Variants in TPRG1 observed in about 807,000 individuals in gnomAD.
TPRG1 encodes the protein tumor protein p63-regulated gene 1 protein.
Under a neutral mutation model 29.3 loss-of-function variants are expected in TPRG1, and 29 were observed. The ratio of observed to expected loss-of-function variants is 0.99; its 90% CI spans 0.74 to 1.35. TPRG1 has a LOEUF of 1.35. Among genes scored for constraint, TPRG1 ranks in the 40% most tolerant of loss-of-function variants. The pLI, the probability that TPRG1 is intolerant of heterozygous loss-of-function variation, is 0.00. For missense variants in TPRG1, 327 were observed against 335.0 expected, an observed-to-expected ratio of 0.98 and a Z score of 0.19; for synonymous variants, 130 against 116.8, an observed-to-expected ratio of 1.11 and a Z score of -0.73.
Position 189,061,494 on chromosome 3 carries a change from GT to G in TPRG1, c.-463+37549del, listed in dbSNP as rs1716099115. On this transcript the variant is annotated intron_variant, in intron 4 of 10. Coordinates refer to the TPRG1 transcript ENST00000433971. ...CACAGCAAAAGAAGCTATTAACAGA[GT>G]AAACAGACAATGTACAGAATGTGAG... is the stretch of plus-strand genomic sequence containing the variant. 2.6e-5 allele frequency among the ~76,000 whole-genome samples: 4 copies of G among 152,266 alleles called. No homozygotes were observed. In the South Asian group the frequency reaches 8.3e-4, roughly 32 times the overall value.
At position 189,018,222 on chromosome 3, in the gene TPRG1, C is replaced by T. The variant is rs1401738463; in HGVS notation, c.-659-5528C>T. ...GGTAGTTTCTTTTGCTGTGCAGAAG[C>T]TCTTTAGTTTAATTAGATCCCATTT... On this transcript the variant is annotated intron_variant, in intron 3 of 10. Transcript: ENST00000433971. Among the ~76,000 whole-genome samples, 282 of 146,628 alleles carry T rather than the reference C, an allele frequency of 1.9e-3. 1 individual carries two copies. The highest frequency in any genetic ancestry group is 3.6e-3 in the Middle Eastern group (1 of 278).
At chr3:189,319,226 TTA>T (rs1368768444) in intron 5 of TPRG1, among the ~76,000 whole-genome samples, 1 of 152,176 alleles carries the variant, frequency 6.6e-6, no homozygotes, top group Non-Finnish European at 1.5e-5. Context: ...TATGAAAAAT[TTA>T]TAGACATGGA....
chr3:189,241,460 C>G (rs1011604501), intron 4 of TPRG1, among the ~76,000 whole-genome samples: 6 of 150,248 alleles, frequency 4.0e-5, no homozygotes, highest in Non-Finnish European at 7.4e-5. Context: ...TAATTTTTTT[C>G]TTATTGATTT....
intron 4 of TPRG1, among the ~76,000 whole-genome samples, chr3:189,302,709 C>T (rs113554029): frequency 2.1e-4 from 32 of 152,294 alleles, no homozygotes; most frequent in African/African-American, 7.7e-4. Context: ...TATTTATTGT[C>T]AACTTCATTG....
At chr3:189,051,498 A>T (rs568945635) in intron 4 of TPRG1, among the ~76,000 whole-genome samples, 2 of 152,212 alleles carry the variant, frequency 1.3e-5, no homozygotes, top group African/African-American at 4.8e-5. Context: ...TAGAATCAAT[A>T]TTGTGAAAAT....
At chr3:189,086,619 C>T (rs1335590174) in intron 4 of TPRG1, among the ~76,000 whole-genome samples, 6 of 151,434 alleles carry the variant, frequency 4.0e-5, no homozygotes, top group Admixed American at 3.3e-4. Context: ...CCTCCGCCTC[C>T]CGGATTCAAG....
chr3:189,022,905 C>T (rs1017690484), intron 3 of TPRG1, among the ~76,000 whole-genome samples: 18 of 152,242 alleles, frequency 1.2e-4, no homozygotes, highest in African/African-American at 4.1e-4. Flanking sequence ...ACCCTCCGAG[C>T]CAGGTGCCGG....
At chr3:189,201,723 C>T (rs1383041873) in intron 1 of TPRG1, among the ~76,000 whole-genome samples, 4 of 151,926 alleles carry the variant, frequency 2.6e-5, no homozygotes, top group Middle Eastern at 6.3e-3. Flanking sequence ...GATCTCAGCT[C>T]ACTGCAACCT....
chr3:189,272,752 GTTCCTTCC>G (rs1179275065), intron 4 of TPRG1, among the ~76,000 whole-genome samples: 64 of 44,892 alleles, frequency 1.4e-3, no homozygotes, highest in African/African-American at 4.6e-3. Context: ...TCCTTCCTTC[GTTCCTTCC>G]TTCCTTCCTT....
chr3:189,000,107 A>T (rs1283992894), intron 1 of TPRG1, among the ~76,000 whole-genome samples: 1 of 152,170 alleles, frequency 6.6e-6, no homozygotes. Context: ...AGTTGACTTT[A>T]AAAATTATGG....
intron 1 of TPRG1, among the ~76,000 whole-genome samples, chr3:189,191,844 A>G (rs972107584): frequency 2.0e-5 from 3 of 152,140 alleles, no homozygotes; most frequent in African/African-American, 4.8e-5. Flanking sequence ...CTTTATACCT[A>G]GATCCTCTTT....
intron 4 of TPRG1, among the ~76,000 whole-genome samples, chr3:189,242,193 T>C (rs568419415): frequency 5.9e-5 from 9 of 152,268 alleles, no homozygotes; most frequent in East Asian, 1.9e-4. Flanking sequence ...ATATTTGATA[T>C]TTTATGTTTA....
At chr3:189,167,312 C>T (rs1412445645), upstream of TPRG1, among the ~76,000 whole-genome samples, 2 of 152,164 alleles carry the variant, frequency 1.3e-5, no homozygotes, top group Non-Finnish European at 2.9e-5. Context: ...GAGACTGTGG[C>T]AAGTTTCACA....
intron 4 of TPRG1, chr3:189,310,112 G>A (rs1722244913): frequency 4.6e-6 from 1 of 218,900 alleles, no homozygotes; most frequent in African/African-American, 2.3e-5. Flanking sequence ...CAGAATCTTG[G>A]TGTGACATCA....
intron 4 of TPRG1, among the ~76,000 whole-genome samples, chr3:189,050,031 A>G (rs1365919824): frequency 6.6e-6 from 1 of 152,224 alleles, no homozygotes; most frequent in Non-Finnish European, 1.5e-5. Flanking sequence ...AACTAGATCA[A>G]CAAGAACTGA....
intron 5 of TPRG1, 91 bp from the exon 6 acceptor site, chr3:189,320,535 G>C: frequency 8.9e-7 from 1 of 1,124,296 alleles, no homozygotes; most frequent in Non-Finnish European, 1.2e-6. Context: ...CAGGAGAGTA[G>C]TCAACTTCTG....
rs138900088 is a variant in TPRG1 at position 189,071,702 on chromosome 3, A to T, written c.-463+47756A>T. ...TTCAGCATATCATTAGCCTGAGGGTATTCAAAGGCAGAGATGATGCACTTA... is the reference window on the plus strand; with the variant it reads ...TTCAGCATATCATTAGCCTGAGGGTTTTCAAAGGCAGAGATGATGCACTTA... On this transcript the variant is annotated intron_variant, in intron 4 of 10. Coordinates refer to the TPRG1 transcript ENST00000433971. Among the ~76,000 whole-genome samples, 474 of 152,368 alleles carry T rather than the reference A, an allele frequency of 3.1e-3. 6 individuals carry two copies. Among genetic ancestry groups the T allele is most frequent in the African/African-American group, 0.011 (465 of 41,590 alleles).
At chr3:189,239,230 T>G (rs1740095549) in intron 4 of TPRG1, among the ~76,000 whole-genome samples, 1 of 152,070 alleles carries the variant, frequency 6.6e-6, no homozygotes, top group Non-Finnish European at 1.5e-5. Flanking sequence ...AAGTCTCTTC[T>G]TATATGGCCG....
chr3:189,246,452 A>G (rs910158196), intron 4 of TPRG1, among the ~76,000 whole-genome samples: 1 of 152,212 alleles, frequency 6.6e-6, no homozygotes, highest in African/African-American at 2.4e-5. Flanking sequence ...GAAATCACAC[A>G]GTTGGCTCAT....
Sources: gnomAD v4.1 joint callset for allele counts (sites outside exome capture counted in the v4.1 genomes callset) on GRCh38, gnomAD v4.1.1 for gene constraint, MANE v1.5 for transcripts, NCBI Gene and HGNC (gene_info 2026-07-23, HGNC 2026-07-21) for gene names.